Variants in ZNF438 observed in about 807,000 individuals in gnomAD.
The protein encoded by ZNF438 is zinc finger protein 438.
ZNF438 carries 25 observed loss-of-function variants against 38.0 expected under a neutral mutation model. The observed-to-expected ratio is 0.66, with a 90% CI of 0.48 to 0.92. The LOEUF is 0.92. Ranked by LOEUF, ZNF438 falls within the 40% of genes least tolerant of loss-of-function variation. ZNF438 has a pLI of 0.00. For synonymous variants in ZNF438, 372 were observed against 364.1 expected (o/e 1.02, Z -0.25); for missense variants, 1,007 against 999.6 (o/e 1.01, Z -0.10).
At chr10:31,022,436 T>G (rs1337176438) in intron 1 of ZNF438, among the ~76,000 whole-genome samples, 3 of 152,086 alleles carry the variant, frequency 2.0e-5, no homozygotes, top group Non-Finnish European at 4.4e-5. Context: ...CAATTTTGTA[T>G]TTTTAGTAGA....
At chr10:30,994,667 C>T (rs2053863304) in intron 1 of ZNF438, among the ~76,000 whole-genome samples, 1 of 152,072 alleles carries the variant, frequency 6.6e-6, no homozygotes, top group Non-Finnish European at 1.5e-5. Flanking sequence ...CTTTGGTATT[C>T]TGTTACAGTA....
chr10:30,912,671 T>C (rs2043202866), intron 2 of ZNF438, among the ~76,000 whole-genome samples: 1 of 152,160 alleles, frequency 6.6e-6, no homozygotes, highest in Non-Finnish European at 1.5e-5. Context: ...ATTTAAATCC[T>C]GTTTCTTCCA....
intron 2 of ZNF438, among the ~76,000 whole-genome samples, chr10:30,916,207 G>A (rs2043614046): frequency 6.6e-6 from 1 of 151,988 alleles, no homozygotes; most frequent in Non-Finnish European, 1.5e-5. Flanking sequence ...AAGCTGTATA[G>A]GCATTTGATA....
chr10:30,882,532 C>CTG (rs2039404562), intron 3 of ZNF438, among the ~76,000 whole-genome samples: 1 of 152,146 alleles, frequency 6.6e-6, no homozygotes, highest in Non-Finnish European at 1.5e-5. Context: ...AACTGTTGAC[C>CTG]TACATCACAA....
chr10:30,849,870 C>T, exon 5 of ZNF438: 1 of 1,614,144 alleles, frequency 6.2e-7, no homozygotes, highest in Non-Finnish European at 8.5e-7. Context: ...AGTGATGGTA[C>T]TTCCTCAAAT....
intron 3 of ZNF438, among the ~76,000 whole-genome samples, chr10:30,881,400 A>T (rs749188228): frequency 4.6e-5 from 7 of 152,192 alleles, no homozygotes; most frequent in Non-Finnish European, 4.4e-5. Context: ...CATAAAAATG[A>T]AATAATTAAG....
chr10:31,031,930 T>C (rs921335824), exon 1 of ZNF438: 17 of 152,040 alleles, frequency 1.1e-4, no homozygotes, highest in African/African-American at 4.1e-4. Flanking sequence ...GCCCCCAGGC[T>C]CCGCCCTCGC....
At position 30,959,086 on chromosome 10, in the gene ZNF438, A is replaced by C. The variant is rs779338444; in HGVS notation, c.-191-17435T>G. Among the ~76,000 whole-genome samples, 13 of 147,468 alleles carry C rather than the reference A, an allele frequency of 8.8e-5. 4 individuals are homozygous for C. Among genetic ancestry groups the C allele is most frequent in the Non-Finnish European group, 2.0e-4 (13 of 65,042 alleles). ...CATTTCTCTTGGGCAGATTCCAAGA[A>C]GTGGAATTGCTGAGTTTATATGGCA... On this transcript the variant is annotated intron_variant, in intron 1 of 5. Transcript: ENST00000413025.
chr10:30,848,604 T>C, exon 5 of ZNF438: 1 of 1,614,022 alleles, frequency 6.2e-7, no homozygotes, highest in South Asian at 1.1e-5. Context: ...TGCAGTTCAC[T>C]GGGCGCAGGC....
intron 1 of ZNF438, among the ~76,000 whole-genome samples, chr10:30,991,161 G>C (rs1357406967): frequency 6.6e-6 from 1 of 152,210 alleles, no homozygotes; most frequent in Non-Finnish European, 1.5e-5. Context: ...TTACTCGAGA[G>C]CTCTAGTCCA....
At chr10:30,979,187 C>T (rs184294135) in intron 1 of ZNF438, among the ~76,000 whole-genome samples, 2 of 152,312 alleles carry the variant, frequency 1.3e-5, no homozygotes, top group East Asian at 3.9e-4. Flanking sequence ...CACCCAACAG[C>T]TCTAATGGAG....
At chr10:30,965,347 T>C (rs1365128385) in intron 1 of ZNF438, among the ~76,000 whole-genome samples, 1 of 152,128 alleles carries the variant, frequency 6.6e-6, no homozygotes, top group Non-Finnish European at 1.5e-5. Flanking sequence ...GAATGTAAAT[T>C]AGCTCAGCCA....
At chr10:31,018,196 CAA>C (rs1433342034) in intron 1 of ZNF438, among the ~76,000 whole-genome samples, 7 of 152,266 alleles carry the variant, frequency 4.6e-5, no homozygotes, top group African/African-American at 1.7e-4. Context: ...CAATTTTTTC[CAA>C]CACTGCAATG....
At chr10:30,910,109 G>A (rs2042933465) in intron 2 of ZNF438, among the ~76,000 whole-genome samples, 1 of 152,178 alleles carries the variant, frequency 6.6e-6, no homozygotes, top group Non-Finnish European at 1.5e-5. Flanking sequence ...GTCCAGGACA[G>A]GCTGGCTGCA....
At chr10:30,845,834 G>T (rs913027100) in intron 5 of ZNF438, among the ~76,000 whole-genome samples, 15 of 152,144 alleles carry the variant, frequency 9.9e-5, no homozygotes, top group Non-Finnish European at 2.2e-4. Flanking sequence ...TGTCCCAGGC[G>T]AGCTAACTCG....
intron 2 of ZNF438, among the ~76,000 whole-genome samples, chr10:30,936,351 G>A (rs1045494929): frequency 6.6e-6 from 1 of 152,130 alleles, no homozygotes; most frequent in African/African-American, 2.4e-5. Context: ...AAGCATTTGG[G>A]TGATTAGCAG....
At chr10:31,020,326 G>C (rs2056498958) in intron 1 of ZNF438, among the ~76,000 whole-genome samples, 1 of 152,096 alleles carries the variant, frequency 6.6e-6, no homozygotes, top group Admixed American at 6.5e-5. Flanking sequence ...GAGTGCTCCA[G>C]AAAACAAAAG....
At chr10:30,997,547 T>C (rs1029699087) in intron 1 of ZNF438, among the ~76,000 whole-genome samples, 8 of 151,628 alleles carry the variant, frequency 5.3e-5, no homozygotes, top group African/African-American at 1.9e-4. Context: ...CTACCTAGTC[T>C]TCCCTTCTTT....
exon 1 of ZNF438, chr10:31,031,887 G>C (rs1033371256): frequency 2.0e-5 from 3 of 152,584 alleles, no homozygotes; most frequent in African/African-American, 7.2e-5. Flanking sequence ...CCCAGCAGTC[G>C]GGGAGGTCAA....
Sources: allele counts gnomAD v4.1 joint callset (sites outside exome capture counted in the v4.1 genomes callset), GRCh38; gene constraint gnomAD v4.1.1; transcripts MANE v1.5; gene names NCBI Gene and HGNC (gene_info 2026-07-23, HGNC 2026-07-21).